HDAC9: variants seen among roughly 807,000 people sequenced by gnomAD.
The protein encoded by HDAC9 is MEF-2 interacting transcription repressor (MITR) protein.
Under a neutral mutation model 139.4 loss-of-function variants are expected in HDAC9, and 41 were observed. The ratio of observed to expected loss-of-function variants is 0.29; its 90% CI spans 0.23 to 0.38. HDAC9 has a LOEUF of 0.38. Among genes scored for constraint, HDAC9 ranks in the 10% least tolerant of loss-of-function variants. The pLI is 1.00. For missense variants in HDAC9, 1,147 were observed against 1,297.0 expected (o/e 0.88, Z 1.78); for synonymous variants, 517 against 476.2 (o/e 1.09, Z -1.12).
intron 12 of HDAC9, among the ~76,000 whole-genome samples, chr7:18,695,819 T>C (rs1783003222): frequency 6.6e-6 from 1 of 152,188 alleles, no homozygotes; most frequent in African/African-American, 2.4e-5. Flanking sequence ...AGTTTTTCAG[T>C]TTTCTCACAC....
intron 2 of HDAC9, among the ~76,000 whole-genome samples, chr7:18,191,290 A>G (rs186488528): frequency 6.6e-6 from 1 of 152,342 alleles, no homozygotes; most frequent in Admixed American, 6.5e-5. Context: ...GGGTGAAGAA[A>G]AGTTACTTAA....
At chr7:18,706,854 G>A (rs1783967106) in intron 12 of HDAC9, among the ~76,000 whole-genome samples, 1 of 152,204 alleles carries the variant, frequency 6.6e-6, no homozygotes, top group Non-Finnish European at 1.5e-5. Context: ...TTAATGGAAA[G>A]TGATGTATGC....
chr7:18,551,068 G>A (rs1028646167), intron 2 of HDAC9, among the ~76,000 whole-genome samples: 3 of 152,168 alleles, frequency 2.0e-5, no homozygotes, highest in Admixed American at 6.5e-5. Context: ...TGAAGATAGA[G>A]TCAAAGGGAT....
At chr7:18,138,962 G>C (rs573133575) in intron 1 of HDAC9, among the ~76,000 whole-genome samples, 1 of 152,128 alleles carries the variant, frequency 6.6e-6, no homozygotes, top group East Asian at 1.9e-4. Flanking sequence ...ATGCTTACTA[G>C]CAGTTCTAGT....
At chr7:18,523,542 G>A (rs1000299725) in intron 2 of HDAC9, among the ~76,000 whole-genome samples, 29 of 152,040 alleles carry the variant, frequency 1.9e-4, no homozygotes, top group African/African-American at 5.6e-4. Flanking sequence ...CATTATCTTC[G>A]TGCCAAAATA....
At chr7:18,265,534 G>GT (rs1341711488) in intron 2 of HDAC9, among the ~76,000 whole-genome samples, 3 of 151,934 alleles carry the variant, frequency 2.0e-5, no homozygotes, top group Admixed American at 1.3e-4. Context: ...AGTCTGAGAG[G>GT]TTTTTTTCCT....
chr7:18,266,811 C>G (rs1402656227), intron 2 of HDAC9, among the ~76,000 whole-genome samples: 1 of 152,104 alleles, frequency 6.6e-6, no homozygotes, highest in Admixed American at 6.6e-5. Flanking sequence ...CATATAACAT[C>G]TTAGTCTTCT....
At position 18,736,738 on chromosome 7, in the gene HDAC9, G is replaced by A. The variant is rs1427359811; in HGVS notation, c.1909+8981G>A. Among the ~76,000 whole-genome samples, 7 of 152,322 alleles carry A rather than the reference G, an allele frequency of 4.6e-5. No homozygotes were observed. The East Asian group carries it at 1.2e-3, about 25-fold the overall frequency. ...TGCCAGGCTTTGGTATCAGGATGAA[G>A]CTGGCCTCATAAAATCAGTTACGGA... On this transcript the variant is annotated intron_variant, in intron 13 of 25. Transcript: ENST00000686413.
At chr7:18,777,156 A>G (rs772579198) in intron 16 of HDAC9, among the ~76,000 whole-genome samples, 6 of 152,024 alleles carry the variant, frequency 3.9e-5, no homozygotes, top group Non-Finnish European at 8.8e-5. Flanking sequence ...GCTGTGAGAT[A>G]TCTCTCTGGG....
At chr7:18,533,275 A>G (rs552697791) in intron 2 of HDAC9, among the ~76,000 whole-genome samples, 43 of 152,148 alleles carry the variant, frequency 2.8e-4, no homozygotes, top group South Asian at 1.5e-3. Context: ...TTCTTTCTCT[A>G]TTGGGAACTA....
In HDAC9 at chr7:18,727,601, A is replaced by G. The variant is rs1465364741; in HGVS notation, c.1753A>G (p.Thr585Ala). 1 of 1,595,844 alleles carries G rather than the reference A, an allele frequency of 6.3e-7. No homozygotes were observed. Among genetic ancestry groups the G allele is most frequent in the East Asian group, 2.3e-5 (1 of 44,040 alleles). Residue 585 changes from threonine to alanine, a missense_variant, in exon 13 of 26, where the codon ACA becomes GCA. Thr to Ala is a moderately conservative substitution (Grantham distance 58, BLOSUM62 0). This residue lies in a region of HDAC9 where 256 missense variants were observed against 219.2 expected (regional missense o/e 1.17). Transcript: ENST00000686413. ...MQQPFLEPTHTRALSVRQAPL... is the reference protein window; with the variant it reads ...MQQPFLEPTHARALSVRQAPL... ...ACAGCCTTTCCTGGAACCCACGCAC[A>G]CACGTGCGCTCTCTGTGCGCCAAGC...
At chr7:18,351,239 A>G (rs1391452383) in intron 1 of HDAC9, among the ~76,000 whole-genome samples, 1 of 152,168 alleles carries the variant, frequency 6.6e-6, no homozygotes, top group Non-Finnish European at 1.5e-5. Flanking sequence ...ATTTACTTAT[A>G]TAATTTTTAT....
intron 17 of HDAC9, among the ~76,000 whole-genome samples, chr7:18,801,736 T>A (rs1793306685): frequency 6.6e-6 from 1 of 152,104 alleles, no homozygotes; most frequent in African/African-American, 2.4e-5. Flanking sequence ...TAACTACTGA[T>A]TCAAATTCTT....
chr7:18,670,171 G>A (rs573287070), intron 12 of HDAC9, among the ~76,000 whole-genome samples: 2 of 151,930 alleles, frequency 1.3e-5, no homozygotes, highest in East Asian at 1.9e-4. Flanking sequence ...ATAGTTTGAG[G>A]TCTCCAATTG....
intron 1 of HDAC9, among the ~76,000 whole-genome samples, chr7:18,339,333 A>G (rs1393338595): frequency 6.6e-6 from 1 of 150,912 alleles, no homozygotes; most frequent in Non-Finnish European, 1.5e-5. Flanking sequence ...CTCTTTTTCT[A>G]GTTTCGTAAA....
intron 1 of HDAC9, among the ~76,000 whole-genome samples, chr7:18,102,506 G>A (rs2128072464): frequency 6.6e-6 from 1 of 152,198 alleles, no homozygotes; most frequent in Admixed American, 6.5e-5. Flanking sequence ...TAAGAATAAA[G>A]GTTAGGCCAG....
At chr7:18,814,790 A>G (rs549804824) in intron 17 of HDAC9, among the ~76,000 whole-genome samples, 2 of 152,336 alleles carry the variant, frequency 1.3e-5, no homozygotes, top group South Asian at 2.1e-4. Flanking sequence ...GGAAAATTAG[A>G]GTTTAATGCA....
Position 18,880,845 on chromosome 7 carries a change from G to A in HDAC9, c.2803+6249G>A, listed in dbSNP as rs901007688. ...AAAAAAGAATAGTTAATAGTTGCCG[G>A]GGGGGGGGGAACCAAATAACAAAGC... On this transcript the variant is annotated intron_variant, in intron 22 of 25. Coordinates refer to ENST00000686413, the MANE Select transcript of HDAC9 (RefSeq NM_178425.4). Among the ~76,000 whole-genome samples the A allele has an allele frequency of 0.016, 105 of 6,584 alleles. 2 individuals are homozygous for A. The East Asian group carries it at 0.27, about 17-fold the overall frequency. The allele number at this position is 6,584 out of a possible 152,430, so 4.3% of individuals were successfully genotyped here. A position where few individuals can be genotyped will look rare whatever the true frequency, so the allele number is the denominator to read the frequency against.
chr7:18,709,143 A>G (rs1389782213), intron 12 of HDAC9, among the ~76,000 whole-genome samples: 5 of 151,088 alleles, frequency 3.3e-5, no homozygotes, highest in Non-Finnish European at 5.9e-5. Context: ...TATGTGTGCC[A>G]TGGTGATTTG....
Sources: allele counts gnomAD v4.1 joint callset (sites outside exome capture counted in the v4.1 genomes callset), GRCh38; gene constraint gnomAD v4.1.1; regional missense constraint gnomAD v4.1.1; transcripts MANE v1.5; gene names NCBI Gene and HGNC (gene_info 2026-07-23, HGNC 2026-07-21).